Variants in KCNIP4 observed in about 807,000 individuals in gnomAD.
KCNIP4 encodes the protein potassium voltage-gated channel interacting protein 4, also known as Kv channel-interacting protein 4.
In KCNIP4, 12 loss-of-function variants were observed where a neutral mutation model predicts 34.0. The ratio of observed to expected loss-of-function variants is 0.35; its 90% CI spans 0.23 to 0.57. The LOEUF is 0.57. KCNIP4 is among the 20% of genes least tolerant of loss of function. KCNIP4 has a pLI of 0.83. For synonymous variants in KCNIP4, 124 were observed against 102.2 expected, an observed-to-expected ratio of 1.21 and a Z score of -1.29; for missense variants, 238 against 311.7, an observed-to-expected ratio of 0.76 and a Z score of 1.78.
intron 1 of KCNIP4, among the ~76,000 whole-genome samples, chr4:20,939,588 G>T (rs973499184): frequency 1.3e-5 from 2 of 151,936 alleles, no homozygotes; most frequent in Non-Finnish European, 2.9e-5. Flanking sequence ...AGGCCAGGAT[G>T]GTCTCGATTT....
At chr4:20,892,219 C>G (rs1230890656) in intron 1 of KCNIP4, among the ~76,000 whole-genome samples, 1 of 152,170 alleles carries the variant, frequency 6.6e-6, no homozygotes, top group Admixed American at 6.5e-5. Flanking sequence ...GTTTGTGTAT[C>G]AGTTTAAAAG....
At chr4:21,376,663 A>C (rs1011001898) in intron 1 of KCNIP4, among the ~76,000 whole-genome samples, 6 of 152,158 alleles carry the variant, frequency 3.9e-5, no homozygotes, top group Admixed American at 2.0e-4. Context: ...TGTATCATGA[A>C]GTTTATTATC....
chr4:21,909,253 T>C (rs1412589675), intron 1 of KCNIP4, among the ~76,000 whole-genome samples: 1 of 152,102 alleles, frequency 6.6e-6, no homozygotes, highest in Non-Finnish European at 1.5e-5. Context: ...CTACCCTCTC[T>C]CCAGTCTTAT....
At chr4:21,598,682 C>A (rs1039313929) in intron 1 of KCNIP4, among the ~76,000 whole-genome samples, 5 of 151,798 alleles carry the variant, frequency 3.3e-5, no homozygotes, top group African/African-American at 4.8e-5. Context: ...GTGCTTCCCC[C>A]CAAAAAGATC....
chr4:21,706,765 T>C (rs1371440515), intron 1 of KCNIP4, among the ~76,000 whole-genome samples: 1 of 152,156 alleles, frequency 6.6e-6, no homozygotes, highest in Non-Finnish European at 1.5e-5. Flanking sequence ...TGTATCTCAG[T>C]GGGAACAGAC....
intron 1 of KCNIP4, among the ~76,000 whole-genome samples, chr4:21,647,370 C>G (rs1482220448): frequency 6.6e-6 from 1 of 152,040 alleles, no homozygotes; most frequent in Non-Finnish European, 1.5e-5. Context: ...CTTTTTCATT[C>G]TATCTCTCTT....
chr4:21,170,236 T>C (rs924934230), intron 1 of KCNIP4, among the ~76,000 whole-genome samples: 1 of 152,158 alleles, frequency 6.6e-6, no homozygotes, highest in African/African-American at 2.4e-5. Context: ...AGATCTTTCA[T>C]TAGCATCAAT....
chr4:21,671,747 A>C (rs1463014664), intron 1 of KCNIP4, among the ~76,000 whole-genome samples: 1 of 152,198 alleles, frequency 6.6e-6, no homozygotes, highest in Non-Finnish European at 1.5e-5. Context: ...ACCTATGCTG[A>C]AGTGCCCACG....
At chr4:21,377,201 A>C (rs1301802134) in intron 1 of KCNIP4, among the ~76,000 whole-genome samples, 15 of 152,202 alleles carry the variant, frequency 9.9e-5, no homozygotes, top group Admixed American at 9.2e-4. Flanking sequence ...AGAGCATACT[A>C]CTCGGACAGG....
intron 1 of KCNIP4, among the ~76,000 whole-genome samples, chr4:21,139,002 G>T (rs1037438520): frequency 6.6e-6 from 1 of 152,310 alleles, no homozygotes; most frequent in South Asian, 2.1e-4. Flanking sequence ...AATGTGTGTT[G>T]TTTCCAACCA....
chr4:21,666,074 G>T (rs1221016407), intron 1 of KCNIP4, among the ~76,000 whole-genome samples: 1 of 152,178 alleles, frequency 6.6e-6, no homozygotes. Flanking sequence ...TGTTGCTCCT[G>T]CCTATAGAAG....
At chr4:21,407,055 T>C (rs192605107) in intron 1 of KCNIP4, among the ~76,000 whole-genome samples, 1 of 152,270 alleles carries the variant, frequency 6.6e-6, no homozygotes, top group African/African-American at 2.4e-5. Flanking sequence ...AAGTTCAACA[T>C]AGACCTTAAA....
At chr4:20,896,648 G>C (rs1297360122) in intron 1 of KCNIP4, among the ~76,000 whole-genome samples, 1 of 152,124 alleles carries the variant, frequency 6.6e-6, no homozygotes, top group Non-Finnish European at 1.5e-5. Context: ...CCTCCAGAAA[G>C]AGCCTACCCT....
intron 1 of KCNIP4, among the ~76,000 whole-genome samples, chr4:20,912,258 T>C (rs1728395931): frequency 6.6e-6 from 1 of 152,158 alleles, no homozygotes; most frequent in Non-Finnish European, 1.5e-5. Flanking sequence ...TATCTCCATT[T>C]GCAAATGACA....
At chr4:20,964,403 G>A (rs185511817) in intron 1 of KCNIP4, among the ~76,000 whole-genome samples, 1 of 152,144 alleles carries the variant, frequency 6.6e-6, no homozygotes, top group African/African-American at 2.4e-5. Flanking sequence ...TAATCATTCT[G>A]GGAGCATCAT....
At chr4:20,979,817 A>G (rs1296819904) in intron 1 of KCNIP4, among the ~76,000 whole-genome samples, 1 of 152,100 alleles carries the variant, frequency 6.6e-6, no homozygotes. Context: ...ATGGCTCTTC[A>G]ATGTTTAGGG....
intron 3 of KCNIP4, among the ~76,000 whole-genome samples, chr4:20,836,403 G>T (rs1015493885): frequency 6.6e-6 from 1 of 152,114 alleles, no homozygotes; most frequent in Non-Finnish European, 1.5e-5. Context: ...CTTCAGAAAG[G>T]CCTGCTACAT....
At chr4:20,872,832 A>T (rs1723627558) in intron 2 of KCNIP4, among the ~76,000 whole-genome samples, 1 of 152,168 alleles carries the variant, frequency 6.6e-6, no homozygotes, top group Non-Finnish European at 1.5e-5. Context: ...GTAACCTGAA[A>T]AAAACAAAAG....
intron 2 of KCNIP4, among the ~76,000 whole-genome samples, chr4:20,879,690 G>A (rs915538925): frequency 6.6e-6 from 1 of 151,978 alleles, no homozygotes; most frequent in Non-Finnish European, 1.5e-5. Flanking sequence ...GACTATAAAA[G>A]GTATATAATT....
Sources: allele counts gnomAD v4.1 joint callset (sites outside exome capture counted in the v4.1 genomes callset), GRCh38; gene constraint gnomAD v4.1.1; transcripts MANE v1.5; gene names NCBI Gene and HGNC (gene_info 2026-07-23, HGNC 2026-07-21).